The following MACF1 variants were observed in gnomAD, a reference collection of about 807,000 sequenced individuals.
The protein encoded by MACF1 is microtubule-actin cross-linking factor 1.
In MACF1, 193 loss-of-function variants were observed where a neutral mutation model predicts 854.8. The observed-to-expected ratio is 0.23, with a 90% CI of 0.20 to 0.25. The LOEUF (loss-of-function observed/expected upper bound fraction) is 0.25. Ranked by LOEUF, MACF1 falls within the 10% of genes least tolerant of loss-of-function variation. MACF1 has a pLI of 1.00. For missense variants in MACF1, 7,722 were observed against 8,929.1 expected (o/e 0.86, Z 5.45); for synonymous variants, 3,185 against 3,226.7 (o/e 0.99, Z 0.44).
intron 2 of MACF1, among the ~76,000 whole-genome samples, chr1:39,117,753 C>T (rs1642584765): frequency 6.6e-6 from 1 of 152,154 alleles, no homozygotes; most frequent in African/African-American, 2.4e-5. Flanking sequence ...CCTCTGTCCT[C>T]TAGGGATTTA....
intron 2 of MACF1, among the ~76,000 whole-genome samples, chr1:39,238,201 T>C (rs1644881237): frequency 6.6e-6 from 1 of 152,140 alleles, no homozygotes; most frequent in African/African-American, 2.4e-5. Context: ...TGTCACCGCT[T>C]CTGAGTTTAG....
In MACF1 at chr1:39,242,932, G is replaced by A. The variant is rs139514923; in HGVS notation, c.172-7082G>A. 2.3e-4 allele frequency among the ~76,000 whole-genome samples: 35 copies of A among 152,182 alleles called. No individual in the cohort carries two copies. The East Asian group carries it at 3.9e-3, about 17-fold the overall frequency. ...TTCATTTACAAGTTTTTGTCTGGAC[G>A]TATGTTTTCAGTTCTCTTTAATTAC... On this transcript the variant is annotated intron_variant, in intron 2 of 100. Transcript: ENST00000564288.
rs984881109 is a variant in MACF1 at position 39,427,590 on chromosome 1, A to T, written c.16452A>T (p.Ile5484=). ...SEPVGTQTAK[I]QQQIIRHKAL... ...CTGTTGGCACTCAGACTGCCAAAAT[A>T]CAGCAGCAGATCATTCGGCACAAGG... is the stretch of plus-strand genomic sequence containing the variant. Residue 5484 remains isoleucine (I), a synonymous_variant, in exon 62 of 101, where the codon ATA becomes ATT. Coordinates refer to ENST00000564288, the MANE Select transcript of MACF1 (RefSeq NM_001394062.1). The T allele has an allele frequency of 6.2e-7, 1 of 1,614,160 alleles. No homozygotes were observed.
chr1:39,252,868 T>G (rs79929352), intron 4 of MACF1, among the ~76,000 whole-genome samples: 1 of 152,312 alleles, frequency 6.6e-6, no homozygotes, highest in African/African-American at 2.4e-5. Flanking sequence ...AAGTGTTGCT[T>G]AGAAGTGTTG....
intron 6 of MACF1, among the ~76,000 whole-genome samples, chr1:39,273,131 ATTTT>A (rs561821846): frequency 8.3e-6 from 1 of 120,438 alleles, no homozygotes; most frequent in Non-Finnish European, 1.7e-5. Context: ...CTCTATACCA[ATTTT>A]TTTTTTTTTT....
rs749370708 is a variant in MACF1, at chr1:39,283,503, G to A, written c.903G>A (p.Gly301=). 1.2e-6 allele frequency: 2 copies of A among 1,601,550 alleles called. No homozygotes were observed. The highest frequency in any genetic ancestry group is 3.3e-5 in the Admixed American group (2 of 60,004). ...CTAAAGTTCCTGAGGGTGGAGAAGG[G>A]ATCAGTGCTACGGTAAAAGAACATT... is the stretch of plus-strand genomic sequence containing the variant. ...AFPKVPEGGE[G]ISATEVDSRW... Residue 301 remains glycine (G), a synonymous_variant, in exon 9 of 101, where the codon GGG becomes GGA. Transcript: ENST00000564288. This position sits in a 1 kb window ranked among gnomAD's most constrained non-coding sequence, Gnocchi z 4.5.
chr1:39,335,957 G>A lies in MACF1; in HGVS notation c.9369G>A (p.Val3123=). ...HYQESDGKAQ[V]TGPSQISKTD... ...AGGAATCAGATGGAAAAGCCCAAGT[G>A]ACAGGCCCATCCCAAATTTCCAAAA... The change falls in exon 37 of 101, where the codon GTG becomes GTA. Residue 3123 remains valine, a synonymous_variant. Transcript: ENST00000564288. 6.2e-7 allele frequency: 1 copy of A among 1,614,116 alleles called. No homozygotes were observed. Among genetic ancestry groups the A allele is most frequent in the East Asian group, 2.2e-5 (1 of 44,876 alleles).
At chr1:39,412,816 C>T in intron 58 of MACF1, 3 of 1,612,588 alleles carry the variant, frequency 1.9e-6, no homozygotes, top group South Asian at 1.1e-5. Flanking sequence ...AGATGCTGCA[C>T]TGCCCAGCCC....
At chr1:39,447,373 A>T in intron 80 of MACF1, 59 bp from the exon 81 acceptor site, 2 of 1,562,116 alleles carry the variant, frequency 1.3e-6, no homozygotes, top group Non-Finnish European at 1.8e-6. Flanking sequence ...CGCTGAGCCT[A>T]TAATTCCTGA....
intron 2 of MACF1, among the ~76,000 whole-genome samples, chr1:39,125,560 A>T (rs2148163868): frequency 6.6e-6 from 1 of 152,286 alleles, no homozygotes; most frequent in Middle Eastern, 3.4e-3. Context: ...ATTCAAAAGG[A>T]TTTAGACCCT....
Position 39,460,913 on chromosome 1 carries a change from G to A in MACF1, c.21523+119G>A. On this transcript the variant is annotated intron_variant, in intron 92 of 100. Transcript: ENST00000564288. The surrounding 1 kb of genome is among the most constrained non-coding windows in gnomAD (Gnocchi z 4.1). ...CTGGCCAGGAGCTTGGCTCACACCT[G>A]TAATTCCAGCACTTTGGGAGGCAGG... The A allele has an allele frequency of 8.7e-7, 1 of 1,153,768 alleles. No individual in the cohort carries two copies. The highest frequency in any genetic ancestry group is 1.5e-5 in the African/African-American group (1 of 65,488). The allele number at this position is 1,153,768 out of a possible 1,614,324, so 71.5% of individuals were successfully genotyped here.
At chr1:39,371,873 G>T (rs1485934626) in intron 51 of MACF1, among the ~76,000 whole-genome samples, 1 of 151,096 alleles carries the variant, frequency 6.6e-6, no homozygotes, top group Non-Finnish European at 1.5e-5. Context: ...GGATGCCGTG[G>T]CATGATCTCG....
rs75347120 is a variant in MACF1 at position 39,084,606 on chromosome 1, C to A, written c.220+168C>A. Among the ~76,000 whole-genome samples, 1 of 152,116 alleles carries A rather than the reference C, an allele frequency of 6.6e-6. No homozygotes were observed. On this transcript the variant is annotated intron_variant, in intron 2 of 93. Coordinates refer to the MACF1 transcript ENST00000361689. This position sits in a 1 kb window ranked among gnomAD's most constrained non-coding sequence, Gnocchi z 5.2. ...TGGAAAGACGTTGAAATAACATTAACGAAAAACTCAAAAGAGGAAAATCTG... is the reference window on the plus strand; with the variant it reads ...TGGAAAGACGTTGAAATAACATTAAAGAAAAACTCAAAAGAGGAAAATCTG...
chr1:39,311,338 G>T (rs1320284515), intron 26 of MACF1, among the ~76,000 whole-genome samples: 1 of 152,164 alleles, frequency 6.6e-6, no homozygotes, highest in African/African-American at 2.4e-5. Flanking sequence ...TACTTTAAAT[G>T]ACTTGGTTAC....
At chr1:39,282,596 G>T (rs866562005) in intron 7 of MACF1, among the ~76,000 whole-genome samples, 1 of 152,246 alleles carries the variant, frequency 6.6e-6, no homozygotes, top group African/African-American at 2.4e-5. Flanking sequence ...TTATCTTTCA[G>T]TAGGGAGAAT....
At chr1:39,341,446 A>G (rs1646933663) in intron 40 of MACF1, among the ~76,000 whole-genome samples, 1 of 150,476 alleles carries the variant, frequency 6.6e-6, no homozygotes, top group South Asian at 2.1e-4. Flanking sequence ...CTGTAATACC[A>G]GCATTTTGGG....
chr1:39,251,558 GAT>G (rs1457568011), intron 3 of MACF1, among the ~76,000 whole-genome samples: 7 of 152,292 alleles, frequency 4.6e-5, no homozygotes, highest in Middle Eastern at 3.4e-3. Context: ...AAACCATCCA[GAT>G]ATCTCTTTGA....
chr1:39,214,321 G>A (rs1644550345), intron 1 of MACF1, among the ~76,000 whole-genome samples: 1 of 152,192 alleles, frequency 6.6e-6, no homozygotes, highest in Non-Finnish European at 1.5e-5. Context: ...GGCTGGGCCA[G>A]CTGAATGAAA....
intron 61 of MACF1, among the ~76,000 whole-genome samples, chr1:39,424,526 CCT>C (rs1643660892): frequency 6.6e-6 from 1 of 152,128 alleles, no homozygotes; most frequent in African/African-American, 2.4e-5. Context: ...CAGATTTCCC[CCT>C]CTTATATTTA....
Sources: allele counts gnomAD v4.1 joint callset (sites outside exome capture counted in the v4.1 genomes callset), GRCh38; gene constraint gnomAD v4.1.1; non-coding constraint Gnocchi (gnomAD v3.1); transcripts MANE v1.5; gene names NCBI Gene and HGNC (gene_info 2026-07-23, HGNC 2026-07-21).